LGR4: variants seen among roughly 807,000 people sequenced by gnomAD.
LGR4 encodes the protein leucine rich repeat containing G protein-coupled receptor 4, also known as leucine-rich repeat-containing G protein-coupled receptor 4.
Under a neutral mutation model 84.8 loss-of-function variants are expected in LGR4, and 44 were observed. That is an observed-to-expected ratio of 0.52 (90% CI 0.41 to 0.67). LGR4 has a LOEUF of 0.67. Ranked by LOEUF, LGR4 falls within the 30% of genes least tolerant of loss-of-function variation. LGR4 has a pLI of 0.00. For synonymous variants in LGR4, 429 were observed against 434.3 expected (o/e 0.99, Z 0.15); for missense variants, 1,032 against 1,131.4 (o/e 0.91, Z 1.26).
At chr11:27,396,613 C>G (rs897616394) in intron 2 of LGR4, among the ~76,000 whole-genome samples, 61 of 152,090 alleles carry the variant, frequency 4.0e-4, no homozygotes, top group African/African-American at 1.4e-3. Context: ...CCTCTATTAG[C>G]AAAGACCAGC....
intron 1 of LGR4, among the ~76,000 whole-genome samples, chr11:27,468,060 A>G (rs996761224): frequency 3.3e-5 from 5 of 152,222 alleles, no homozygotes; most frequent in African/African-American, 1.2e-4. Context: ...TACGTTAAAA[A>G]GTACTTTCAA....
intron 4 of LGR4, among the ~76,000 whole-genome samples, chr11:27,390,762 T>C (rs1341258996): frequency 1.3e-5 from 2 of 152,200 alleles, no homozygotes; most frequent in Non-Finnish European, 2.9e-5. Flanking sequence ...TGTGGCTGTT[T>C]CTTGACAGTC....
intron 1 of LGR4, among the ~76,000 whole-genome samples, chr11:27,436,101 T>C (rs932700450): frequency 2.0e-4 from 30 of 151,680 alleles, no homozygotes; most frequent in African/African-American, 6.8e-4. Flanking sequence ...TTAGTAGAGA[T>C]GGGGTTTCAC....
rs560676678 is a variant in LGR4, at chr11:27,463,723, T to C, written c.185+8395A>G. 4.0e-5 allele frequency among the ~76,000 whole-genome samples: 6 copies of C among 151,772 alleles called. No homozygotes were observed. The South Asian group carries it at 8.4e-4, about 21-fold the overall frequency. On this transcript the variant is annotated intron_variant, in intron 1 of 17. Coordinates refer to ENST00000379214, the MANE Select transcript of LGR4 (RefSeq NM_018490.5). The stretch of plus-strand genomic sequence containing the variant: ...ATCACTTGAACCCAGGAGGCGGAGG[T>C]TGCAGTGAACCGAGATCGTGCCACT...
chr11:27,452,477 A>G (rs914677385), intron 1 of LGR4, among the ~76,000 whole-genome samples: 1 of 152,118 alleles, frequency 6.6e-6, no homozygotes, highest in Non-Finnish European at 1.5e-5. Context: ...GAACTGCTCC[A>G]CCACTGCAAA....
In LGR4 at chr11:27,366,765, C is replaced by T. The variant is rs1862772604; in HGVS notation, c.*1102G>A. The T allele has an allele frequency of 2.0e-5, 3 of 152,280 alleles. No individual in the cohort carries two copies. The highest frequency in any genetic ancestry group is 2.0e-4 in the Admixed American group (3 of 15,268). 9.4% of individuals were successfully genotyped at this position (152,280 alleles called of 1,614,324 possible). ...ATCTTGTTTAACCAGAGTTCAACCT[C>T]TGAGCTATTGAATAGGCTCTTTTAT... is the stretch of plus-strand genomic sequence containing the variant. On this transcript the variant is annotated 3_prime_UTR_variant, in exon 18 of 18. Coordinates refer to ENST00000379214, the MANE Select transcript of LGR4 (RefSeq NM_018490.5).
Position 27,369,095 on chromosome 11 carries a change from A to G in LGR4, c.1628T>C (p.Leu543Pro). The stretch of plus-strand genomic sequence containing the variant: ...AACCAAGAAAATGAACCACACAGTA[A>G]GACGAATCATCCAGCTTCCCAGTAA... Reference protein sequence around the residue: ...EYLLGSWMIRLTVWFIFLVAL... With the variant: ...EYLLGSWMIRPTVWFIFLVAL... Residue 543 changes from leucine (L) to proline (P), a missense_variant, in exon 18 of 18, where the codon CTT (leucine) becomes CCT (proline). Leu to Pro is a moderately conservative substitution (Grantham distance 98, BLOSUM62 -3). Transcript: ENST00000379214. 1 of 1,612,778 alleles carries G rather than the reference A, an allele frequency of 6.2e-7. No individual in the cohort carries two copies. The highest frequency in any genetic ancestry group is 8.5e-7 in the Non-Finnish European group (1 of 1,179,672).
At chr11:27,412,456 T>C in intron 2 of LGR4, among the ~76,000 whole-genome samples, 1 of 152,140 alleles carries the variant, frequency 6.6e-6, no homozygotes. Context: ...TTGGTAACAA[T>C]GGTAATTATA....
At chr11:27,386,144 G>A (rs1419306011) in intron 4 of LGR4, among the ~76,000 whole-genome samples, 1 of 152,068 alleles carries the variant, frequency 6.6e-6, no homozygotes, top group African/African-American at 2.4e-5. Context: ...AAACCAAGCA[G>A]CTCCTGGAAT....
chr11:27,418,600 C>T (rs540747782), intron 1 of LGR4, among the ~76,000 whole-genome samples: 5 of 152,226 alleles, frequency 3.3e-5, no homozygotes, highest in Admixed American at 6.5e-5. Context: ...TGCCACAACA[C>T]CCATATTGAC....
Position 27,385,357 on chromosome 11 carries a change from G to T in LGR4, c.513C>A (p.His171Gln), listed in dbSNP as rs1053576109. 1.2e-6 allele frequency: 2 copies of T among 1,612,184 alleles called. No individual in the cohort carries two copies. The highest frequency in any genetic ancestry group is 1.7e-5 in the Admixed American group (1 of 59,598). ...GTAGGGTGGGCAGATTGCTGAGGGGGTGCACAGGCACCTCCGTCAAGCTGT... is the reference window on the plus strand; with the variant it reads ...GTAGGGTGGGCAGATTGCTGAGGGGTTGCACAGGCACCTCCGTCAAGCTGT... ...DDNSLTEVPV[H>Q]PLSNLPTLQA... is the part of the protein sequence containing the mutation. Residue 171 changes from histidine (H) to glutamine (Q), a missense_variant, in exon 5 of 18, where the codon CAC (histidine) becomes CAA (glutamine). Coordinates refer to ENST00000379214, the MANE Select transcript of LGR4 (RefSeq NM_018490.5).
chr11:27,465,747 T>G (rs539079806), intron 1 of LGR4, among the ~76,000 whole-genome samples: 5 of 152,192 alleles, frequency 3.3e-5, no homozygotes. Context: ...TTTTAGACAA[T>G]AGAGTTGACA....
chr11:27,462,570 T>C (rs964963839), intron 1 of LGR4, among the ~76,000 whole-genome samples: 4 of 152,186 alleles, frequency 2.6e-5, no homozygotes, highest in Non-Finnish European at 5.9e-5. Flanking sequence ...GTGAAGTCTA[T>C]GGGCTTTGAA....
rs758259278 is a variant in LGR4, at chr11:27,369,144, C to CT, written c.1580-2dup. 6.4e-7 allele frequency: 1 copy of CT among 1,560,972 alleles called. No individual in the cohort carries two copies. The highest frequency in any genetic ancestry group is 2.3e-5 in the East Asian group (1 of 44,144). On this transcript the variant is annotated splice_acceptor_variant, in intron 17 of 17. Transcript: ENST00000379214. LOFTEE classifies it high-confidence loss of function. ...AAATATTCACAGGGCTTAAAAGCAC[C>CT]TAAAAAAAACACACACAGAGAGAGA...
intron 17 of LGR4, 26 bp downstream of exon 17, chr11:27,371,589 A>G: frequency 6.7e-7 from 1 of 1,496,848 alleles, no homozygotes; most frequent in Non-Finnish European, 9.3e-7. Context: ...AACATGGGTA[A>G]CTGTGAAAAA....
intron 1 of LGR4, among the ~76,000 whole-genome samples, chr11:27,464,213 T>G (rs1415605900): frequency 1.3e-5 from 2 of 152,236 alleles, no homozygotes; most frequent in East Asian, 3.9e-4. Flanking sequence ...AGGAGAAGGC[T>G]GGCAATCTAG....
chr11:27,434,666 T>C (rs374476893), intron 1 of LGR4, among the ~76,000 whole-genome samples: 1 of 152,224 alleles, frequency 6.6e-6, no homozygotes, highest in South Asian at 2.1e-4. Flanking sequence ...AAGAGCTTCC[T>C]ACCATGAATG....
At chr11:27,410,968 G>C (rs371837973) in intron 2 of LGR4, among the ~76,000 whole-genome samples, 2 of 152,072 alleles carry the variant, frequency 1.3e-5, no homozygotes, top group Non-Finnish European at 2.9e-5. Context: ...TGTGAACTTC[G>C]CTAAGCAGAT....
chr11:27,429,605 A>G (rs1590386985), intron 1 of LGR4, among the ~76,000 whole-genome samples: 1 of 152,294 alleles, frequency 6.6e-6, no homozygotes, highest in East Asian at 1.9e-4. Context: ...CTGCTGTCCA[A>G]ACAACCTGCA....
Sources: allele counts gnomAD v4.1 joint callset (sites outside exome capture counted in the v4.1 genomes callset), GRCh38; gene constraint gnomAD v4.1.1; transcripts MANE v1.5; gene names NCBI Gene and HGNC (gene_info 2026-07-23, HGNC 2026-07-21).